The following GRAP2 variants were observed in gnomAD, a reference collection of about 807,000 sequenced individuals.
GRAP2 encodes GRB2-related adapter protein 2.
Under a neutral mutation model 43.5 loss-of-function variants are expected in GRAP2, and 31 were observed. The observed-to-expected ratio is 0.71, with a 90% CI of 0.54 to 0.96. The LOEUF (loss-of-function observed/expected upper bound fraction) is 0.96, where lower values mean the gene tolerates loss of function less well. Ranked by LOEUF, GRAP2 falls within the 40% of genes least tolerant of loss-of-function variation. The pLI, the probability that GRAP2 is intolerant of heterozygous loss-of-function variation, is 0.00. For synonymous variants in GRAP2, 156 were observed against 164.8 expected (o/e 0.95, Z 0.41); for missense variants, 371 against 424.4 (o/e 0.87, Z 1.11).
intron 1 of GRAP2, among the ~76,000 whole-genome samples, chr22:39,933,217 G>A (rs1238110260): frequency 1.3e-5 from 2 of 152,236 alleles, no homozygotes; most frequent in Non-Finnish European, 2.9e-5. Flanking sequence ...AAGCGCACTG[G>A]ATGCATTTCA....
At chr22:39,905,855 G>A (rs573947529) in intron 1 of GRAP2, among the ~76,000 whole-genome samples, 91 of 152,258 alleles carry the variant, frequency 6.0e-4, no homozygotes, top group African/African-American at 2.1e-3. Context: ...TGATACAAGT[G>A]GAGCTGAGTG....
At chr22:39,908,070 C>G (rs1471098872) in intron 1 of GRAP2, among the ~76,000 whole-genome samples, 1 of 152,190 alleles carries the variant, frequency 6.6e-6, no homozygotes, top group South Asian at 2.1e-4. Flanking sequence ...CACCTAACTT[C>G]CCTGAGCTTC....
chr22:39,914,174 A>G (rs1351715449), intron 1 of GRAP2, among the ~76,000 whole-genome samples: 1 of 152,118 alleles, frequency 6.6e-6, no homozygotes, highest in Admixed American at 6.5e-5. Flanking sequence ...CCCTTTTGCC[A>G]TGGAACACAA....
At chr22:39,941,875 GTC>G (rs1033744515) in intron 1 of GRAP2, among the ~76,000 whole-genome samples, 2 of 143,594 alleles carry the variant, frequency 1.4e-5, no homozygotes, top group Non-Finnish European at 3.1e-5. Context: ...TTTTTTTTTT[GTC>G]TGTTTGTTTT....
At chr22:39,911,104 T>G (rs905363807) in intron 1 of GRAP2, among the ~76,000 whole-genome samples, 1 of 152,148 alleles carries the variant, frequency 6.6e-6, no homozygotes, top group African/African-American at 2.4e-5. Flanking sequence ...TGCAAAACCC[T>G]AAGGAAATGT....
intron 1 of GRAP2, among the ~76,000 whole-genome samples, chr22:39,934,183 A>G (rs2066784431): frequency 6.6e-6 from 1 of 152,198 alleles, no homozygotes; most frequent in Non-Finnish European, 1.5e-5. Context: ...GGCACGGCAC[A>G]GCTTGATTTC....
chr22:39,960,118 C>T lies in GRAP2; in HGVS notation c.234C>T (p.Gly78=). The T allele has an allele frequency of 6.2e-7, 1 of 1,612,926 alleles. No homozygotes were observed. The highest frequency in any genetic ancestry group is 8.5e-7 in the Non-Finnish European group (1 of 1,178,850). ...AENLLMGKEV[G]FFIIRASQSS... ...ACTTACTCATGGGCAAGGAGGTTGG[C>T]TTCTTCATCATCCGGGCCAGCCAGA... is the stretch of plus-strand genomic sequence containing the variant. Residue 78 remains glycine (G), a synonymous_variant, in exon 4 of 8, where the codon GGC becomes GGT. Transcript: ENST00000344138.
At chr22:39,897,302 T>C (rs1016302984), upstream of GRAP2, among the ~76,000 whole-genome samples, 3 of 152,148 alleles carry the variant, frequency 2.0e-5, no homozygotes, top group African/African-American at 7.2e-5. Flanking sequence ...TCTCATGATA[T>C]CCATGAGCTT....
In GRAP2 at chr22:39,965,985, T is replaced by G; in HGVS notation, c.291-5T>G. 7 of 1,613,502 alleles carry G rather than the reference T, an allele frequency of 4.3e-6. No homozygotes were observed. Among genetic ancestry groups the G allele is most frequent in the Non-Finnish European group, 5.9e-6 (7 of 1,179,390 alleles). ...CATACAATTTTGTTTTGCCTTGATC[T>G]CCAGGCATGAGGATGACGTTCAACA... On this transcript the variant is annotated splice_region_variant and splice_polypyrimidine_tract_variant and intron_variant, in intron 4 of 7. Coordinates refer to ENST00000344138, the MANE Select transcript of GRAP2 (RefSeq NM_004810.4).
intron 1 of GRAP2, among the ~76,000 whole-genome samples, chr22:39,905,287 G>A (rs776138626): frequency 5.9e-5 from 9 of 152,006 alleles, no homozygotes; most frequent in Admixed American, 6.6e-5. Flanking sequence ...TTTTTAATAC[G>A]CTTTGAAGAT....
In GRAP2 at chr22:39,960,149, C is replaced by A; in HGVS notation, c.265C>A (p.Pro89Thr). 1 of 1,613,696 alleles carries A rather than the reference C, an allele frequency of 6.2e-7. No individual in the cohort carries two copies. The change falls in exon 4 of 8, where the codon CCA becomes ACA. Residue 89 changes from proline to threonine, a missense_variant. By Grantham distance (38) the Pro-to-Thr change is conservative (BLOSUM62 -1). Coordinates refer to ENST00000344138, the MANE Select transcript of GRAP2 (RefSeq NM_004810.4). The part of the protein sequence containing the change: ...FFIIRASQSS[P>T]GDFSISVRHE... The stretch of plus-strand genomic sequence containing the variant: ...CATCATCCGGGCCAGCCAGAGCTCC[C>A]CAGGGGACTTCTCCATCTCTGTCAG...
Position 39,922,991 on chromosome 22 carries a change from G to A in GRAP2, c.-15+21661G>A, listed in dbSNP as rs185493894. Among the ~76,000 whole-genome samples, 26 of 151,158 alleles carry A rather than the reference G, an allele frequency of 1.7e-4. No homozygotes were observed. In the East Asian group the frequency reaches 3.5e-3, roughly 20 times the overall value. On this transcript the variant is annotated intron_variant, in intron 1 of 7. Coordinates refer to ENST00000344138, the MANE Select transcript of GRAP2 (RefSeq NM_004810.4). The stretch of plus-strand genomic sequence containing the variant: ...TAGGAGGCGGAGGTTGCAGTGAGCC[G>A]AGATTGCTCCACTGTACTCCAGCCT...
intron 1 of GRAP2, chr22:39,946,857 T>C: frequency 2.3e-6 from 1 of 442,712 alleles, no homozygotes; most frequent in South Asian, 3.4e-5. Context: ...ATGGCCTTCA[T>C]TTCCTGCTCC....
At chr22:39,905,297 T>C (rs962952881) in intron 1 of GRAP2, among the ~76,000 whole-genome samples, 1 of 152,192 alleles carries the variant, frequency 6.6e-6, no homozygotes, top group African/African-American at 2.4e-5. Flanking sequence ...GCTTTGAAGA[T>C]GGACTCGACA....
intron 2 of GRAP2, chr22:39,948,091 C>A: frequency 6.6e-6 from 1 of 152,214 alleles, no homozygotes; most frequent in South Asian, 2.1e-4. Context: ...GTCTCACCAC[C>A]GAGAATTAGG....
At chr22:39,968,341 C>G (rs2067197607) in intron 6 of GRAP2, 69 bp downstream of exon 6, 2 of 1,560,354 alleles carry the variant, frequency 1.3e-6, no homozygotes, top group Non-Finnish European at 1.7e-6. Context: ...CAGGCCTGGC[C>G]CAGCCTCTTG....
intron 2 of GRAP2, among the ~76,000 whole-genome samples, chr22:39,953,722 G>A (rs1237606889): frequency 2.6e-5 from 4 of 152,100 alleles, no homozygotes; most frequent in South Asian, 2.1e-4. Flanking sequence ...CCCTCCTCCC[G>A]CTTCAGCCTC....
chr22:39,934,906 G>A (rs1278625023), intron 1 of GRAP2, among the ~76,000 whole-genome samples: 2 of 152,144 alleles, frequency 1.3e-5, no homozygotes, highest in Admixed American at 1.3e-4. Flanking sequence ...CCAGCCAACA[G>A]TGTAACACAA....
chr22:39,941,406 T>C (rs1417688984), intron 1 of GRAP2, among the ~76,000 whole-genome samples: 1 of 152,152 alleles, frequency 6.6e-6, no homozygotes, highest in African/African-American at 2.4e-5. Context: ...ACTAGGCCTA[T>C]ATTCTGTCCA....
Sources: gnomAD v4.1 joint callset for allele counts (sites outside exome capture counted in the v4.1 genomes callset) on GRCh38, gnomAD v4.1.1 for gene constraint, MANE v1.5 for transcripts, NCBI Gene and HGNC (gene_info 2026-07-23, HGNC 2026-07-21) for gene names.